The following AKR1C3 variants were observed in gnomAD, a reference collection of about 807,000 sequenced individuals.
AKR1C3 encodes the protein 3-alpha hydroxysteroid dehydrogenase, type II.
AKR1C3 carries 48 observed loss-of-function variants against 43.6 expected under a neutral mutation model. That is an observed-to-expected ratio of 1.10 (90% CI 0.87 to 1.40). AKR1C3 has a LOEUF of 1.40. Among genes scored for constraint, AKR1C3 ranks in the 40% most tolerant of loss-of-function variants. The pLI is 0.00. For synonymous variants in AKR1C3, 162 were observed against 139.6 expected (o/e 1.16, Z -1.13); for missense variants, 482 against 391.2 (o/e 1.23, Z -1.96).
upstream of AKR1C3, chr10:5,094,382 T>C: frequency 2.5e-6 from 4 of 1,579,664 alleles, no homozygotes; most frequent in Non-Finnish European, 3.5e-6. Context: ...TCCTGCCCAT[T>C]GTTTTTGTAA....
At chr10:5,058,333 G>A (rs377015626) in intron 1 of AKR1C3, among the ~76,000 whole-genome samples, 1 of 152,070 alleles carries the variant, frequency 6.6e-6, no homozygotes, top group Non-Finnish European at 1.5e-5. Context: ...AAGCTCTGCA[G>A]GATAGTATTG....
chr10:5,103,811 T>C (rs587684202), intron 7 of AKR1C3, among the ~76,000 whole-genome samples: 4 of 152,242 alleles, frequency 2.6e-5, no homozygotes, highest in Non-Finnish European at 4.4e-5. Flanking sequence ...ACACCACCAC[T>C]TATTGGAAAG....
intron 1 of AKR1C3, among the ~76,000 whole-genome samples, chr10:5,062,265 G>A (rs1838397297): frequency 6.6e-6 from 1 of 152,168 alleles, no homozygotes; most frequent in African/African-American, 2.4e-5. Context: ...AGGTCTCCCA[G>A]CATGTTTTGC....
At chr10:5,098,916 CAAAAAGAGAAA>C (rs1839280823) in intron 4 of AKR1C3, 37 bp downstream of exon 4, 2 of 1,514,438 alleles carry the variant, frequency 1.3e-6, no homozygotes, top group Admixed American at 3.9e-5. Context: ...AGAAGGATGA[CAAAAAGAGAAA>C]ATCTGTTTCC....
At chr10:5,079,482 T>C (rs1382425309) in intron 1 of AKR1C3, among the ~76,000 whole-genome samples, 1 of 152,144 alleles carries the variant, frequency 6.6e-6, no homozygotes, top group African/African-American at 2.4e-5. Flanking sequence ...AGCATTTCTC[T>C]GAGGCACACC....
At chr10:5,084,552 T>C (rs1158583624) in intron 1 of AKR1C3, among the ~76,000 whole-genome samples, 1 of 152,266 alleles carries the variant, frequency 6.6e-6, no homozygotes, top group Non-Finnish European at 1.5e-5. Flanking sequence ...ATTGACTTGG[T>C]GAGGCGGGCT....
intron 1 of AKR1C3, among the ~76,000 whole-genome samples, chr10:5,058,747 G>A (rs1331196707): frequency 6.6e-6 from 1 of 152,170 alleles, no homozygotes; most frequent in Non-Finnish European, 1.5e-5. Context: ...AGACCACATG[G>A]AGGACCAAGG....
At chr10:5,107,124 A>C (rs1554787447) in intron 8 of AKR1C3, among the ~76,000 whole-genome samples, 1 of 152,222 alleles carries the variant, frequency 6.6e-6, no homozygotes, top group Non-Finnish European at 1.5e-5. Flanking sequence ...TACAAAATAT[A>C]TTGCATACAG....
intron 1 of AKR1C3, among the ~76,000 whole-genome samples, chr10:5,074,340 C>G (rs1032275049): frequency 6.6e-6 from 1 of 152,124 alleles, no homozygotes; most frequent in South Asian, 2.1e-4. Context: ...GGGGTCCATA[C>G]TCTAAAAGAA....
At chr10:5,077,585 G>C in intron 1 of AKR1C3, 5 of 828,580 alleles carry the variant, frequency 6.0e-6, no homozygotes, top group Non-Finnish European at 7.3e-6. Context: ...GAAGACAATG[G>C]GTAAAACATT....
At chr10:5,060,848 G>A (rs2131785362) in intron 1 of AKR1C3, among the ~76,000 whole-genome samples, 1 of 152,334 alleles carries the variant, frequency 6.6e-6, no homozygotes, top group African/African-American at 2.4e-5. Flanking sequence ...GACAGCTAAG[G>A]CCCGGCAAGA....
At chr10:5,086,879 T>C (rs1486873079) in intron 1 of AKR1C3, among the ~76,000 whole-genome samples, 1 of 152,202 alleles carries the variant, frequency 6.6e-6, no homozygotes. Flanking sequence ...GTCTGTTTTA[T>C]CTGAGACTAG....
chr10:5,049,216 G>A (rs1838101118), intron 1 of AKR1C3, among the ~76,000 whole-genome samples: 1 of 152,048 alleles, frequency 6.6e-6, no homozygotes, highest in African/African-American at 2.4e-5. Context: ...GGAAATTGAT[G>A]GCAATAGAAG....
chr10:5,087,745 ATTT>A (rs1295586780), intron 1 of AKR1C3, among the ~76,000 whole-genome samples: 1 of 151,602 alleles, frequency 6.6e-6, no homozygotes, highest in Non-Finnish European at 1.5e-5. Flanking sequence ...CTGACTATCA[ATTT>A]TGTTTATCCT....
Position 5,094,494 on chromosome 10 carries a change from C to T in AKR1C3, c.50C>T (p.Pro17Leu), listed in dbSNP as rs1219479127. ...CVKLNDGHFM[P>L]VLGFGTYAPP... ...AAGCTAAATGATGGCCACTTCATGCCTGTATTGGGATTTGGCACCTATGCA... is the reference window on the plus strand; with the variant it reads ...AAGCTAAATGATGGCCACTTCATGCTTGTATTGGGATTTGGCACCTATGCA... The change falls in exon 1 of 9, where the codon CCT (proline) becomes CTT (leucine). Residue 17 changes from proline (P) to leucine (L), a missense_variant. Pro to Leu is a moderately conservative substitution (Grantham distance 98). Transcript: ENST00000380554. 1.2e-6 allele frequency: 2 copies of T among 1,612,644 alleles called. No individual in the cohort carries two copies. Among genetic ancestry groups the T allele is most frequent in the African/African-American group, 2.7e-5 (2 of 74,810 alleles).
intron 1 of AKR1C3, among the ~76,000 whole-genome samples, chr10:5,052,404 A>G (rs1297012995): frequency 6.6e-6 from 1 of 152,172 alleles, no homozygotes; most frequent in African/African-American, 2.4e-5. Flanking sequence ...TGGCTTGGCC[A>G]GCCTGCTTTT....
chr10:5,063,780 A>AAAAAAAAAAAAAAAAAAAAAC, intron 1 of AKR1C3, among the ~76,000 whole-genome samples: 1 of 146,756 alleles, frequency 6.8e-6, no homozygotes, highest in Non-Finnish European at 1.5e-5. Flanking sequence ...AAAAAAAAAA[A>AAAAAAAAAAAAAAAAAAAAAC]AAAAAAAAAG....
At chr10:5,049,043 A>G in intron 1 of AKR1C3, 1 of 592,696 alleles carries the variant, frequency 1.7e-6, no homozygotes, top group Non-Finnish European at 3.0e-6. Context: ...CTGTATGTAC[A>G]AAGAGAAAAA....
At chr10:5,089,337 T>C (rs1839036631) in intron 1 of AKR1C3, among the ~76,000 whole-genome samples, 1 of 151,172 alleles carries the variant, frequency 6.6e-6, no homozygotes, top group Non-Finnish European at 1.5e-5. Flanking sequence ...CTACTATGTT[T>C]TTCAAACTTC....
Sources: allele counts gnomAD v4.1 joint callset (sites outside exome capture counted in the v4.1 genomes callset), GRCh38; gene constraint gnomAD v4.1.1; transcripts MANE v1.5; gene names NCBI Gene and HGNC (gene_info 2026-07-23, HGNC 2026-07-21).